The following SLC39A11 variants were observed in gnomAD, a reference collection of about 807,000 sequenced individuals.
SLC39A11 encodes the protein zinc transporter ZIP11.
In SLC39A11, 33 loss-of-function variants were observed where a neutral mutation model predicts 36.1. The ratio of observed to expected loss-of-function variants is 0.91; its 90% CI spans 0.69 to 1.22. The LOEUF is 1.22. SLC39A11 is among the 50% of genes most tolerant of loss of function. SLC39A11 has a pLI of 0.00. For missense variants in SLC39A11, 432 were observed against 430.3 expected (o/e 1.00, Z -0.03); for synonymous variants, 166 against 170.3 (o/e 0.97, Z 0.20).
intron 4 of SLC39A11, among the ~76,000 whole-genome samples, chr17:73,017,669 C>T (rs7213781): frequency 0.055 from 8,369 of 152,088 alleles, 516 homozygotes; most frequent in African/African-American, 0.14. Context: ...GCTAAGATCA[C>T]GCCACTGCAC....
At chr17:73,085,509 G>A (rs755639486) in intron 2 of SLC39A11, among the ~76,000 whole-genome samples, 2 of 152,032 alleles carry the variant, frequency 1.3e-5, no homozygotes, top group African/African-American at 2.4e-5. Context: ...AGTCAAGCAC[G>A]GTAATGCATG....
intron 7 of SLC39A11, among the ~76,000 whole-genome samples, chr17:72,667,046 T>TGGAGCACAGGA (rs1304397400): frequency 1.3e-5 from 2 of 152,206 alleles, no homozygotes; most frequent in Non-Finnish European, 2.9e-5. Context: ...CAGGAAAGTT[T>TGGAGCACAGGA]AAGCGGCAAT....
intron 5 of SLC39A11, among the ~76,000 whole-genome samples, chr17:72,885,848 G>A (rs1372230760): frequency 1.3e-5 from 2 of 152,082 alleles, no homozygotes; most frequent in African/African-American, 2.4e-5. Context: ...TGCACTTGTC[G>A]CCAAAGAGTT....
At chr17:72,766,969 C>T (rs1007074059) in intron 6 of SLC39A11, among the ~76,000 whole-genome samples, 1 of 152,134 alleles carries the variant, frequency 6.6e-6, no homozygotes, top group African/African-American at 2.4e-5. Flanking sequence ...AAGATAACCT[C>T]CCCTCCGACC....
chr17:73,024,393 G>A (rs547607176), intron 4 of SLC39A11, among the ~76,000 whole-genome samples: 14 of 152,042 alleles, frequency 9.2e-5, no homozygotes, highest in East Asian at 3.9e-4. Flanking sequence ...GAAACGAGTC[G>A]GGCTTACTTG....
intron 7 of SLC39A11, among the ~76,000 whole-genome samples, chr17:72,667,436 A>G (rs868491212): frequency 2.0e-5 from 3 of 152,186 alleles, no homozygotes; most frequent in Admixed American, 6.5e-5. Context: ...GTATTTTTGG[A>G]CTTGCTTTCT....
At chr17:72,647,767 T>G in intron 9 of SLC39A11, 105 bp from the exon 10 acceptor site, 1 of 820,294 alleles carries the variant, frequency 1.2e-6, no homozygotes, top group African/African-American at 1.7e-5. Context: ...GAAAGCACAC[T>G]ACCATTAATA....
chr17:73,030,219 G>A (rs765583048), intron 4 of SLC39A11, among the ~76,000 whole-genome samples: 4 of 152,204 alleles, frequency 2.6e-5, no homozygotes, highest in Admixed American at 1.3e-4. Flanking sequence ...ATGTGGCCCA[G>A]CTCCTAACAA....
chr17:72,974,345 C>A (rs1337402890), intron 4 of SLC39A11, among the ~76,000 whole-genome samples: 5 of 151,630 alleles, frequency 3.3e-5, no homozygotes, highest in Non-Finnish European at 7.4e-5. Flanking sequence ...GGTGATCCAC[C>A]CACCTTGGCC....
At chr17:72,921,738 C>T (rs1034865883) in intron 5 of SLC39A11, among the ~76,000 whole-genome samples, 1 of 148,892 alleles carries the variant, frequency 6.7e-6, no homozygotes, top group African/African-American at 2.6e-5. Context: ...CCACTTATAT[C>T]CATTTATTAA....
intron 4 of SLC39A11, among the ~76,000 whole-genome samples, chr17:73,016,317 TGAA>T (rs2058164682): frequency 6.6e-6 from 1 of 151,160 alleles, no homozygotes; most frequent in Non-Finnish European, 1.5e-5. Context: ...ACTCTCAGGG[TGAA>T]GAAGTATCAG....
intron 3 of SLC39A11, among the ~76,000 whole-genome samples, chr17:73,066,801 C>G (rs2060009328): frequency 6.6e-6 from 1 of 152,192 alleles, no homozygotes; most frequent in Admixed American, 6.5e-5. Flanking sequence ...TCTAGCAGTG[C>G]CCAGACACCA....
chr17:72,693,135 C>G (rs920350318), intron 7 of SLC39A11, among the ~76,000 whole-genome samples: 1 of 152,220 alleles, frequency 6.6e-6, no homozygotes, highest in South Asian at 2.1e-4. Flanking sequence ...TAATGAATCT[C>G]AAATTCAAAG....
intron 5 of SLC39A11, among the ~76,000 whole-genome samples, chr17:72,901,701 G>C (rs2082401306): frequency 6.6e-6 from 1 of 152,194 alleles, no homozygotes; most frequent in Non-Finnish European, 1.5e-5. Flanking sequence ...TTAAGCTTTT[G>C]CATAAACACC....
chr17:73,067,985 A>G, intron 3 of SLC39A11: 2 of 1,594,320 alleles, frequency 1.3e-6, no homozygotes, highest in Non-Finnish European at 1.7e-6. Context: ...ATTCACATAA[A>G]TAAACAACTG....
chr17:73,034,613 A>G (rs1110031), intron 3 of SLC39A11, among the ~76,000 whole-genome samples: 128,194 of 152,102 alleles, frequency 0.84, 57,370 homozygotes, highest in Non-Finnish European at 0.99. Flanking sequence ...ACATGGCCCA[A>G]GTAAGCCCAC....
intron 3 of SLC39A11, among the ~76,000 whole-genome samples, chr17:73,063,856 G>A (rs528776251): frequency 9.1e-4 from 139 of 152,246 alleles, no homozygotes; most frequent in Non-Finnish European, 1.5e-3. Context: ...GCAAATTCAC[G>A]TCTGTAATCT....
intron 7 of SLC39A11, among the ~76,000 whole-genome samples, chr17:72,691,687 T>C (rs1484730298): frequency 6.6e-6 from 1 of 152,220 alleles, no homozygotes; most frequent in East Asian, 1.9e-4. Context: ...AAGTGGAAAC[T>C]AAATAAAAAT....
chr17:73,046,708 G>A (rs755145203), intron 3 of SLC39A11, among the ~76,000 whole-genome samples: 32 of 152,026 alleles, frequency 2.1e-4, no homozygotes, highest in Non-Finnish European at 4.0e-4. Context: ...TCGGGAGGTC[G>A]AAGTGGGCAG....
Sources: allele counts gnomAD v4.1 joint callset (sites outside exome capture counted in the v4.1 genomes callset), GRCh38; gene constraint gnomAD v4.1.1; transcripts MANE v1.5; gene names NCBI Gene and HGNC (gene_info 2026-07-23, HGNC 2026-07-21).